KCNN2: variants seen among roughly 807,000 people sequenced by gnomAD.
KCNN2 encodes small conductance calcium-activated potassium channel protein 2.
A neutral mutation model predicts 55.5 loss-of-function variants in KCNN2; 24 were observed. The ratio of observed to expected loss-of-function variants is 0.43; its 90% CI spans 0.31 to 0.61. KCNN2 has a LOEUF of 0.61. KCNN2 is among the 20% of genes least tolerant of loss of function. The probability of loss-of-function intolerance (pLI) is 0.08; values close to 1 mark genes in which losing one functional copy is unlikely to be tolerated. For missense variants in KCNN2, 754 were observed against 853.6 expected (o/e 0.88, Z 1.45); for synonymous variants, 431 against 336.1 (o/e 1.28, Z -3.09).
At chr5:114,114,409 T>A (rs1266013782) in intron 1 of KCNN2, among the ~76,000 whole-genome samples, 1 of 152,052 alleles carries the variant, frequency 6.6e-6, no homozygotes, top group African/African-American at 2.4e-5. Flanking sequence ...TTAAATTTAT[T>A]TTTATTTTTT....
intron 1 of KCNN2, among the ~76,000 whole-genome samples, chr5:114,093,659 C>T (rs1386383994): frequency 6.6e-6 from 1 of 152,190 alleles, no homozygotes; most frequent in African/African-American, 2.4e-5. Flanking sequence ...GGAAACAAGG[C>T]ACCTTCTTCA....
At chr5:114,180,190 C>T (rs948067163) in intron 1 of KCNN2, among the ~76,000 whole-genome samples, 1 of 152,124 alleles carries the variant, frequency 6.6e-6, no homozygotes, top group Non-Finnish European at 1.5e-5. Flanking sequence ...ATGGTTCCTA[C>T]CTCCAAAATC....
chr5:114,144,475 A>G (rs1752354858), intron 1 of KCNN2, among the ~76,000 whole-genome samples: 1 of 152,142 alleles, frequency 6.6e-6, no homozygotes, highest in South Asian at 2.1e-4. Context: ...CAATTAATGT[A>G]AAAATAAATA....
rs547060750 is a variant in KCNN2 at position 114,343,308 on chromosome 5, G to C, written c.-184-17637G>C. 3.1e-4 allele frequency among the ~76,000 whole-genome samples: 47 copies of C among 152,240 alleles called. 2 individuals carry two copies. The South Asian group carries it at 8.7e-3, about 28-fold the overall frequency. On this transcript the variant is annotated intron_variant, in intron 2 of 10. Transcript: ENST00000512097. ...TATGGAAAGATGGGATGCTTGGTGA[G>C]AGAGTGCTATATAACTGAGTTCTTG...
At position 114,099,559 on chromosome 5, in the gene KCNN2, C is replaced by T. The variant is rs778225503; in HGVS notation, c.-271+43059C>T. ...AGGTGCAATCATAGCATACTATAGC[C>T]TGAAACTCTTGAGATCACGGGATCC... On this transcript the variant is annotated intron_variant, in intron 1 of 10. Transcript: ENST00000512097. Among the ~76,000 whole-genome samples, 221 of 152,274 alleles carry T rather than the reference C, an allele frequency of 1.5e-3. 1 individual carries two copies. The highest frequency in any genetic ancestry group is 2.2e-3 in the Non-Finnish European group (151 of 68,012).
At chr5:114,120,584 T>C (rs1476329391) in intron 1 of KCNN2, among the ~76,000 whole-genome samples, 1 of 152,150 alleles carries the variant, frequency 6.6e-6, no homozygotes, top group Non-Finnish European at 1.5e-5. Flanking sequence ...TCTTATACTG[T>C]GCTGAGAAAA....
At chr5:114,329,306 A>C (rs753438658) in intron 2 of KCNN2, among the ~76,000 whole-genome samples, 2 of 152,202 alleles carry the variant, frequency 1.3e-5, no homozygotes, top group Non-Finnish European at 2.9e-5. Context: ...GTGTTGCCAA[A>C]GAAGATTAAC....
chr5:114,186,596 T>G (rs1216601618), intron 1 of KCNN2, among the ~76,000 whole-genome samples: 1 of 152,194 alleles, frequency 6.6e-6, no homozygotes, highest in East Asian at 1.9e-4. Context: ...GTGCTGAAGT[T>G]AGGAGTTTAT....
Position 114,385,876 on chromosome 5 carries a change from G to A in KCNN2, c.1219-18562G>A, listed in dbSNP as rs1758265741. On this transcript the variant is annotated intron_variant, in intron 2 of 7. Transcript: ENST00000673685. ...TGGATTATCTTGTAATTATACAACT[G>A]TTTCTTAAAGTAGGTATTAAGGCCG... Among the ~76,000 whole-genome samples, 6 of 151,540 alleles carry A rather than the reference G, an allele frequency of 4.0e-5. No homozygotes were observed. In the South Asian group the frequency reaches 1.2e-3, roughly 32 times the overall value.
intron 2 of KCNN2, among the ~76,000 whole-genome samples, chr5:114,321,104 G>C (rs572058235): frequency 5.9e-5 from 9 of 152,302 alleles, no homozygotes; most frequent in African/African-American, 2.2e-4. Context: ...TCTTTGCATA[G>C]AGAGGTCCTT....
chr5:114,178,567 C>G (rs1198416056), intron 1 of KCNN2, among the ~76,000 whole-genome samples: 1 of 152,202 alleles, frequency 6.6e-6, no homozygotes, highest in Non-Finnish European at 1.5e-5. Flanking sequence ...CTGTTTATTT[C>G]CCTTGCAATA....
intron 2 of KCNN2, among the ~76,000 whole-genome samples, chr5:114,278,729 G>A (rs1310804770): frequency 6.6e-6 from 1 of 152,220 alleles, no homozygotes; most frequent in Non-Finnish European, 1.5e-5. Flanking sequence ...TGGGGAAAGT[G>A]CAGTATTTGG....
chr5:114,076,895 G>A (rs929247202), intron 1 of KCNN2, among the ~76,000 whole-genome samples: 1 of 152,026 alleles, frequency 6.6e-6, no homozygotes, highest in South Asian at 2.1e-4. Flanking sequence ...GGGTTTCACC[G>A]TGTTAGCCAG....
chr5:114,373,640 T>TTTTATATATATATATATATA lies in KCNN2; in HGVS notation c.1218+9640_1218+9641insTTATATATATATATATATAT, dbSNP rs536849367. ...CTCTCATGGTGTTGTTATGAAGATT[T>TTTTATATATATATATATATA]TATATATATATATATATAAAATTAC... On this transcript the variant is annotated intron_variant, in intron 2 of 7. Transcript: ENST00000673685. Among the ~76,000 whole-genome samples, 81 of 56,712 alleles carry TTTTATATATATATATATATA rather than the reference T, an allele frequency of 1.4e-3. 8 individuals are homozygous for TTTTATATATATATATATATA. Among genetic ancestry groups the TTTTATATATATATATATATA allele is most frequent in the African/African-American group, 4.0e-3 (76 of 19,006 alleles). The allele number at this position is 56,712 out of a possible 152,430, so 37.2% of individuals were successfully genotyped here. A position where few individuals can be genotyped will look rare whatever the true frequency, so the allele number is the denominator to read the frequency against.
intron 3 of KCNN2, among the ~76,000 whole-genome samples, chr5:114,459,248 T>G (rs77096319): frequency 0.028 from 4,265 of 152,302 alleles, 208 homozygotes; most frequent in African/African-American, 0.097. Context: ...AGCTTGAGAT[T>G]ATTGGGCATT....
intron 2 of KCNN2, among the ~76,000 whole-genome samples, chr5:114,239,120 A>G (rs921152161): frequency 2.0e-5 from 3 of 152,308 alleles, no homozygotes; most frequent in South Asian, 2.1e-4. Flanking sequence ...TTGGAGGGTA[A>G]TTCTGGTGAC....
chr5:114,365,876 G>A (rs1276019489), intron 2 of KCNN2, among the ~76,000 whole-genome samples: 2 of 151,002 alleles, frequency 1.3e-5, no homozygotes, highest in Non-Finnish European at 3.0e-5. Flanking sequence ...TCAGCTTTGT[G>A]TTATTGCCTG....
intron 5 of KCNN2, 39 bp downstream of exon 5, chr5:114,473,203 T>G (rs773180673): frequency 5.3e-5 from 68 of 1,276,972 alleles, no homozygotes; most frequent in Non-Finnish European, 7.7e-5. Flanking sequence ...AGAATATTAT[T>G]GTGATTTTTT....
At chr5:114,337,995 A>T (rs938433952) in intron 2 of KCNN2, among the ~76,000 whole-genome samples, 3 of 152,208 alleles carry the variant, frequency 2.0e-5, no homozygotes, top group African/African-American at 7.2e-5. Flanking sequence ...GAGGCTGGTT[A>T]TATTTTCATT....
Sources: allele counts gnomAD v4.1 joint callset (sites outside exome capture counted in the v4.1 genomes callset), GRCh38; gene constraint gnomAD v4.1.1; transcripts MANE v1.5; gene names NCBI Gene and HGNC (gene_info 2026-07-23, HGNC 2026-07-21).